Variants in NUMB observed in about 807,000 individuals in gnomAD.
NUMB encodes the protein protein numb homolog.
NUMB carries 29 observed loss-of-function variants against 59.7 expected under a neutral mutation model. The observed-to-expected ratio is 0.49, with a 90% CI of 0.36 to 0.66. NUMB has a LOEUF of 0.66. Ranked by LOEUF, NUMB falls within the 30% of genes least tolerant of loss-of-function variation. The probability of loss-of-function intolerance (pLI) is 0.00; values close to 1 mark genes in which losing one functional copy is unlikely to be tolerated. For missense variants in NUMB, 723 were observed against 822.0 expected (o/e 0.88, Z 1.47); for synonymous variants, 288 against 288.2 (o/e 1.00, Z 0.01).
At chr14:73,424,148 C>T (rs1424258077) in intron 1 of NUMB, among the ~76,000 whole-genome samples, 1 of 151,986 alleles carries the variant, frequency 6.6e-6, no homozygotes, top group African/African-American at 2.4e-5. Context: ...GAATCTCACT[C>T]ATTTCTGAAT....
chr14:73,416,610 G>A (rs1218032885), intron 1 of NUMB, among the ~76,000 whole-genome samples: 2 of 152,148 alleles, frequency 1.3e-5, no homozygotes. Context: ...GGAGGCCAAG[G>A]AGGGAGGATC....
rs186991721 is a variant in NUMB at position 73,430,304 on chromosome 14, T to C, written c.-232-20236A>G. ...TAATTATATATGACAACCTGCCAAA[T>C]TGTTTTCCAAAGAGGCTATACCAAC... is the stretch of plus-strand genomic sequence containing the variant. On this transcript the variant is annotated intron_variant, in intron 1 of 12. Coordinates refer to ENST00000555238, the MANE Select transcript of NUMB (RefSeq NM_001005743.2). 4.3e-4 allele frequency among the ~76,000 whole-genome samples: 66 copies of C among 152,142 alleles called. 1 individual carries two copies. The highest frequency in any genetic ancestry group is 1.4e-3 in the African/African-American group (59 of 41,538).
intron 1 of NUMB, among the ~76,000 whole-genome samples, chr14:73,428,501 T>TA (rs1284338920): frequency 6.6e-6 from 1 of 152,104 alleles, no homozygotes; most frequent in Admixed American, 6.6e-5. Flanking sequence ...AAGCAGAATC[T>TA]AAAAAAACAT....
chr14:73,404,682 G>A (rs1896577091), intron 2 of NUMB, among the ~76,000 whole-genome samples: 1 of 151,996 alleles, frequency 6.6e-6, no homozygotes, highest in South Asian at 2.1e-4. Context: ...TTTTGGTATT[G>A]TACTACAGCT....
At chr14:73,404,785 C>T (rs192645279) in intron 2 of NUMB, among the ~76,000 whole-genome samples, 53 of 149,856 alleles carry the variant, frequency 3.5e-4, no homozygotes, top group Middle Eastern at 6.8e-3. Flanking sequence ...TTTTTGGAGA[C>T]GGAGTCTTGC....
chr14:73,419,753 C>T (rs1211189162), intron 1 of NUMB, among the ~76,000 whole-genome samples: 1 of 152,130 alleles, frequency 6.6e-6, no homozygotes, highest in Non-Finnish European at 1.5e-5. Flanking sequence ...CATCCTCAGA[C>T]AATGGTGGGA....
intron 3 of NUMB, among the ~76,000 whole-genome samples, chr14:73,363,794 T>C (rs1469608037): frequency 6.6e-6 from 1 of 151,884 alleles, no homozygotes; most frequent in Non-Finnish European, 1.5e-5. Context: ...ACTAAAAATT[T>C]TAAAAGTAGA....
chr14:73,280,972 G>A (rs906361704), intron 11 of NUMB, among the ~76,000 whole-genome samples: 1 of 152,000 alleles, frequency 6.6e-6, no homozygotes, highest in Non-Finnish European at 1.5e-5. Flanking sequence ...TTACAGATGT[G>A]AGCCACCGCA....
At chr14:73,277,337 T>G in intron 12 of NUMB, 44 bp from the exon 13 acceptor site, 3 of 1,405,794 alleles carry the variant, frequency 2.1e-6, no homozygotes, top group Non-Finnish European at 2.9e-6. Context: ...GTTAGGGGCA[T>G]CTTTCCTCAC....
intron 2 of NUMB, among the ~76,000 whole-genome samples, chr14:73,371,318 C>T (rs1234228889): frequency 4.6e-5 from 7 of 152,010 alleles, no homozygotes; most frequent in East Asian, 3.9e-4. Flanking sequence ...GGGTGGATCA[C>T]AAGGTCAGGA....
chr14:73,297,342 AT>A (rs770829242), intron 6 of NUMB, 57 bp from the exon 7 acceptor site: 32 of 1,053,112 alleles, frequency 3.0e-5, no homozygotes, highest in Non-Finnish European at 4.2e-5. Flanking sequence ...TATTAAAAAA[AT>A]GTCATCTTCC....
chr14:73,353,170 C>T (rs1402750167), intron 4 of NUMB, among the ~76,000 whole-genome samples: 1 of 143,418 alleles, frequency 7.0e-6, no homozygotes, highest in East Asian at 2.3e-4. Context: ...CTGCCACCTC[C>T]ACCTCCCAGG....
intron 2 of NUMB, among the ~76,000 whole-genome samples, chr14:73,388,958 G>C (rs1455228220): frequency 1.3e-5 from 2 of 152,046 alleles, no homozygotes; most frequent in African/African-American, 2.4e-5. Flanking sequence ...AATTAGCAGG[G>C]CGTGGTGGCG....
chr14:73,420,657 G>A (rs1021845126), intron 1 of NUMB, among the ~76,000 whole-genome samples: 6 of 152,062 alleles, frequency 3.9e-5, no homozygotes, highest in African/African-American at 9.7e-5. Context: ...TTGTCTCTAC[G>A]AAATATACAA....
intron 3 of NUMB, among the ~76,000 whole-genome samples, chr14:73,361,986 C>G (rs573700792): frequency 7.9e-5 from 12 of 152,220 alleles, no homozygotes; most frequent in African/African-American, 2.9e-4. Context: ...GCCAGGTGCG[C>G]TGGCTCACAC....
intron 8 of NUMB, among the ~76,000 whole-genome samples, chr14:73,291,666 C>T (rs1889410271): frequency 6.6e-6 from 1 of 151,872 alleles, no homozygotes. Context: ...GTGTGAGCCA[C>T]CATGCCCGGC....
intron 2 of NUMB, among the ~76,000 whole-genome samples, chr14:73,380,720 A>G (rs1318997802): frequency 1.5e-5 from 2 of 135,076 alleles, no homozygotes; most frequent in East Asian, 4.7e-4. Flanking sequence ...ACATTCATCA[A>G]TTAGTTTTTT....
At chr14:73,294,238 T>A (rs1451533119) in intron 7 of NUMB, among the ~76,000 whole-genome samples, 1 of 152,116 alleles carries the variant, frequency 6.6e-6, no homozygotes, top group East Asian at 1.9e-4. Context: ...GAGACTGTCT[T>A]GCTCCGTCAT....
intron 1 of NUMB, among the ~76,000 whole-genome samples, chr14:73,445,094 T>C (rs1294758234): frequency 6.6e-6 from 1 of 151,980 alleles, no homozygotes; most frequent in Non-Finnish European, 1.5e-5. Context: ...ATTTCATAAT[T>C]CAAAAGAATT....
Sources: gnomAD v4.1 joint callset for allele counts (sites outside exome capture counted in the v4.1 genomes callset) on GRCh38, gnomAD v4.1.1 for gene constraint, MANE v1.5 for transcripts, NCBI Gene and HGNC (gene_info 2026-07-23, HGNC 2026-07-21) for gene names.